The following MYO9B variants were observed in gnomAD, a reference collection of about 807,000 sequenced individuals.
MYO9B encodes the protein myosin IXB, also known as unconventional myosin-IXb.
Under a neutral mutation model 229.5 loss-of-function variants are expected in MYO9B, and 71 were observed. That is an observed-to-expected ratio of 0.31 (90% CI 0.26 to 0.38). The LOEUF (loss-of-function observed/expected upper bound fraction) is 0.38, where lower values mean the gene tolerates loss of function less well. Among genes scored for constraint, MYO9B ranks in the 10% least tolerant of loss-of-function variants. MYO9B has a pLI of 1.00. For synonymous variants in MYO9B, 1,185 were observed against 1,235.8 expected, an observed-to-expected ratio of 0.96 and a Z score of 0.86; for missense variants, 2,255 against 2,920.5, an observed-to-expected ratio of 0.77 and a Z score of 5.25.
intron 2 of MYO9B, among the ~76,000 whole-genome samples, chr19:17,137,025 T>C (rs558046601): frequency 2.6e-5 from 4 of 152,056 alleles, no homozygotes; most frequent in Non-Finnish European, 4.4e-5. Context: ...AGGTCAGAAG[T>C]TCAAGACCAG....
chr19:17,190,118 C>T (rs949780209), intron 19 of MYO9B, among the ~76,000 whole-genome samples: 3 of 151,482 alleles, frequency 2.0e-5, no homozygotes, highest in African/African-American at 4.9e-5. Context: ...GTGGCTCACA[C>T]CTGCAATCCT....
intron 2 of MYO9B, among the ~76,000 whole-genome samples, chr19:17,110,191 G>A (rs778897276): frequency 1.3e-5 from 2 of 152,148 alleles, no homozygotes; most frequent in Non-Finnish European, 1.5e-5. Context: ...CCCGCCCCCC[G>A]CGAGGGTTGC....
At position 17,206,336 on chromosome 19, in the gene MYO9B, C is replaced by T. The variant is rs376863914; in HGVS notation, c.5346C>T (p.Leu1782=). Residue 1782 remains leucine, a synonymous_variant, in exon 33 of 40, where the codon CTC becomes CTT. Transcript: ENST00000682292. ...KQWLRELPEP[L]MTFAQYGDFL... ...GGCTGCGGGAGCTGCCCGAGCCCCT[C>T]ATGACCTTCGCACAGTACGGCGACT... is the stretch of plus-strand genomic sequence containing the variant. The T allele has an allele frequency of 3.4e-5, 55 of 1,610,744 alleles. No individual in the cohort carries two copies. The highest frequency in any genetic ancestry group is 4.5e-5 in the Non-Finnish European group (53 of 1,179,510).
intron 4 of MYO9B, among the ~76,000 whole-genome samples, chr19:17,153,139 T>TTTGG (rs1417901770): frequency 6.7e-6 from 1 of 149,028 alleles, no homozygotes; most frequent in Non-Finnish European, 1.5e-5. Context: ...TGTCTCTGTT[T>TTTGG]TTGGTTGGTT....
intron 1 of MYO9B, among the ~76,000 whole-genome samples, chr19:17,084,410 T>C (rs1351662532): frequency 6.6e-6 from 1 of 152,006 alleles, no homozygotes; most frequent in East Asian, 1.9e-4. Flanking sequence ...TCAATTTTTT[T>C]CCAAATAATT....
At chr19:17,197,407 G>GATAGATAT (rs1555704372) in intron 22 of MYO9B, among the ~76,000 whole-genome samples, 1 of 25,258 alleles carries the variant, frequency 4.0e-5, no homozygotes, top group Non-Finnish European at 1.0e-4. Context: ...ATAGATAGAT[G>GATAGATAT]ATAGATAGAT....
At chr19:17,098,221 A>G (rs1357975810) in intron 1 of MYO9B, among the ~76,000 whole-genome samples, 2 of 152,000 alleles carry the variant, frequency 1.3e-5, no homozygotes, top group Non-Finnish European at 2.9e-5. Context: ...TGCCCGGCTA[A>G]TTTTTGTATT....
chr19:17,084,709 C>CA lies in MYO9B; in HGVS notation c.-59+8850dup, dbSNP rs903470342. 9.5e-3 allele frequency among the ~76,000 whole-genome samples: 772 copies of CA among 81,196 alleles called. 2 individuals are homozygous for CA. Among genetic ancestry groups the CA allele is most frequent in the African/African-American group, 0.015 (338 of 22,882 alleles). 53.3% of individuals were successfully genotyped at this position (81,196 alleles called of 152,430 possible). ...TGAAATCTTGTGTCTACTAAAAATA[C>CA]AAAAAAAAAAAAAAAGAAAAAAAGA... On this transcript the variant is annotated intron_variant, in intron 1 of 39. Coordinates refer to ENST00000682292, the MANE Select transcript of MYO9B (RefSeq NM_004145.4).
At chr19:17,144,736 AG>A (rs943515167) in intron 2 of MYO9B, among the ~76,000 whole-genome samples, 1 of 152,074 alleles carries the variant, frequency 6.6e-6, no homozygotes, top group African/African-American at 2.4e-5. Context: ...TGGGAGGCCA[AG>A]GTGGGCGGAT....
intron 15 of MYO9B, among the ~76,000 whole-genome samples, chr19:17,182,595 G>A (rs1276094604): frequency 6.6e-6 from 1 of 151,842 alleles, no homozygotes; most frequent in East Asian, 1.9e-4. Flanking sequence ...TAGTAGAGAT[G>A]GGGTTTCACC....
chr19:17,153,891 T>TAA lies in MYO9B; in HGVS notation c.999-76_999-75insAA, dbSNP rs1196349986. The TAA allele has an allele frequency of 2.9e-6, 3 of 1,048,220 alleles. No individual in the cohort carries two copies. The Admixed American group carries it at 5.1e-5, about 18-fold the overall frequency. The allele number at this position is 1,048,220 out of a possible 1,614,324, so 64.9% of individuals were successfully genotyped here. ...ATTTGAGGTGTGCTCTCCAAAGCCA[T>TAA]GTTAGTAGTGGTTCGCAGAGTAGCT... On this transcript the variant is annotated intron_variant, in intron 4 of 39. Coordinates refer to ENST00000682292, the MANE Select transcript of MYO9B (RefSeq NM_004145.4).
intron 5 of MYO9B, 24 bp downstream of exon 5, chr19:17,154,090 A>T: frequency 6.3e-7 from 1 of 1,588,124 alleles, no homozygotes; most frequent in Non-Finnish European, 8.6e-7. Context: ...AGCCCGAGCC[A>T]CAAACGCCAC....
intron 1 of MYO9B, among the ~76,000 whole-genome samples, chr19:17,098,780 A>G (rs115165611): frequency 0.012 from 1,796 of 152,096 alleles, 45 homozygotes; most frequent in African/African-American, 0.04. Context: ...AAATACAGAA[A>G]CATTAGCCAG....
chr19:17,161,945 G>A (rs1278447313), intron 8 of MYO9B, among the ~76,000 whole-genome samples: 2 of 148,620 alleles, frequency 1.3e-5, no homozygotes, highest in African/African-American at 5.0e-5. Flanking sequence ...CCAAGATTGC[G>A]CTAGTGCACT....
At chr19:17,092,564 A>AAAT (rs1437880158) in intron 1 of MYO9B, among the ~76,000 whole-genome samples, 8 of 152,100 alleles carry the variant, frequency 5.3e-5, no homozygotes, top group Non-Finnish European at 8.8e-5. Flanking sequence ...TGTCTCTATT[A>AAAT]AAAGTACAAA....
chr19:17,160,510 C>CTTTTTTTTTTTTTTTTTTT (rs34857957), intron 8 of MYO9B, among the ~76,000 whole-genome samples: 1 of 128,172 alleles, frequency 7.8e-6, no homozygotes, highest in Admixed American at 8.3e-5. Context: ...TCTTTTTTTT[C>CTTTTTTTTTTTTTTTTTTT]TTTTTTTTTT....
Position 17,101,555 on chromosome 19 carries a change from C to A in MYO9B, c.-58-105C>A. ...TGGGCGAGCCTAGTCGGGTGGGGAA[C>A]TCCAGCATCGGGTCAGGTGCTATCT... On this transcript the variant is annotated intron_variant, in intron 1 of 39. Coordinates refer to ENST00000682292, the MANE Select transcript of MYO9B (RefSeq NM_004145.4). This position sits in a 1 kb window ranked among gnomAD's most constrained non-coding sequence, Gnocchi z 4.7. 1 of 1,178,874 alleles carries A rather than the reference C, an allele frequency of 8.5e-7. No homozygotes were observed. The highest frequency in any genetic ancestry group is 1.2e-6 in the Non-Finnish European group (1 of 868,920). The allele number at this position is 1,178,874 out of a possible 1,614,324, so 73.0% of individuals were successfully genotyped here. A position where few individuals can be genotyped will look rare whatever the true frequency, so the allele number is the denominator to read the frequency against.
At position 17,163,019 on chromosome 19, in the gene MYO9B, G is replaced by T; in HGVS notation, c.1568G>T (p.Gly523Val). Residue 523 changes from glycine (G) to valine (V), a missense_variant, in exon 10 of 40, where the codon GGG becomes GTG. Around this residue, in one of 7 missense-constraint regions of MYO9B, gnomAD observed 220 missense variants for 404.5 expected, o/e 0.54. Transcript: ENST00000682292. ...CLSIGVLDIFGFEDFERNSFE... is the reference protein window; with the variant it reads ...CLSIGVLDIFVFEDFERNSFE... ...TCCATTGGGGTCCTGGACATCTTCG[G>T]GTTTGAAGACTTCGAGAGGAACAGC... 6.2e-7 allele frequency: 1 copy of T among 1,609,604 alleles called. No homozygotes were observed. Among genetic ancestry groups the T allele is most frequent in the Non-Finnish European group, 8.5e-7 (1 of 1,178,068 alleles).
intron 2 of MYO9B, among the ~76,000 whole-genome samples, chr19:17,109,354 T>G (rs944782921): frequency 2.0e-5 from 3 of 152,110 alleles, no homozygotes. Flanking sequence ...CATGAGCCAC[T>G]GCGCCCGGCC....
Sources: gnomAD v4.1 joint callset for allele counts (sites outside exome capture counted in the v4.1 genomes callset) on GRCh38, gnomAD v4.1.1 for gene constraint, gnomAD v4.1.1 regional missense constraint, Gnocchi (gnomAD v3.1) non-coding constraint, MANE v1.5 for transcripts, NCBI Gene and HGNC (gene_info 2026-07-23, HGNC 2026-07-21) for gene names.